LRRFIP2: variants seen among roughly 807,000 people sequenced by gnomAD.
LRRFIP2 encodes the protein LRR binding FLII interacting protein 2.
LRRFIP2 carries 109 observed loss-of-function variants against 125.9 expected under a neutral mutation model. The observed-to-expected ratio is 0.87, with a 90% CI of 0.74 to 1.01. LRRFIP2 has a LOEUF of 1.01. Among genes scored for constraint, LRRFIP2 ranks in the 50% least tolerant of loss-of-function variants. LRRFIP2 has a pLI of 0.00. For synonymous variants in LRRFIP2, 291 were observed against 293.1 expected, an observed-to-expected ratio of 0.99 and a Z score of 0.07; for missense variants, 850 against 862.3, an observed-to-expected ratio of 0.99 and a Z score of 0.18.
At chr3:37,154,013 C>CAAAAAAA (rs767900386) in intron 1 of LRRFIP2, among the ~76,000 whole-genome samples, 54,054 of 141,534 alleles carry the variant, frequency 0.38, 10,670 homozygotes, top group Non-Finnish European at 0.45. Context: ...TCTGTCTTTA[C>CAAAAAAA]AAAAAAAAAA....
intron 21 of LRRFIP2, 23 bp downstream of exon 21, chr3:37,072,767 C>G: frequency 6.8e-7 from 1 of 1,479,466 alleles, no homozygotes; most frequent in Non-Finnish European, 9.4e-7. Flanking sequence ...AGCTTCTAAC[C>G]AAAGCCCAAT....
At chr3:37,097,667 G>A (rs1024773029) in intron 15 of LRRFIP2, among the ~76,000 whole-genome samples, 2 of 152,090 alleles carry the variant, frequency 1.3e-5, no homozygotes, top group East Asian at 3.9e-4. Context: ...CCTATCTTCT[G>A]TAGATAGGCC....
At chr3:37,164,720 CAA>C (rs148231991) in intron 1 of LRRFIP2, among the ~76,000 whole-genome samples, 1,111 of 106,840 alleles carry the variant, frequency 0.01, 18 homozygotes, top group African/African-American at 0.035. Flanking sequence ...GACTCCGTCT[CAA>C]AAAAAAAAAA....
chr3:37,108,004 A>C, intron 13 of LRRFIP2, 69 bp downstream of exon 13: 3 of 1,286,994 alleles, frequency 2.3e-6, no homozygotes, highest in Non-Finnish European at 3.4e-6. Context: ...TCAATATTCT[A>C]AACAGTGAGT....
chr3:37,078,295 T>C lies in LRRFIP2; in HGVS notation c.1279-3179A>G, dbSNP rs538931462. ...TATTTCAAGTAACTTCTAAAAACAA[T>C]AGTTTGGCCACACACAGACTAGTGG... On this transcript the variant is annotated intron_variant, in intron 19 of 27. Transcript: ENST00000336686. Among the ~76,000 whole-genome samples the C allele has an allele frequency of 3.9e-5, 6 of 152,246 alleles. No homozygotes were observed. The East Asian group carries it at 1.2e-3, about 29-fold the overall frequency.
intron 4 of LRRFIP2, among the ~76,000 whole-genome samples, chr3:37,124,023 C>G (rs955138255): frequency 6.6e-6 from 1 of 152,080 alleles, no homozygotes; most frequent in African/African-American, 2.4e-5. Flanking sequence ...AAAATATAAA[C>G]CCCCATACAG....
In LRRFIP2 at chr3:37,061,600, C is replaced by T. The variant is rs183749247; in HGVS notation, c.1749+2142G>A. On this transcript the variant is annotated intron_variant, in intron 24 of 27. Transcript: ENST00000336686. ...TAGAGTTGGGGTTTCACCATGTTGG[C>T]CAGGCTGGTCTCAACTCCTGACCTC... Among the ~76,000 whole-genome samples the T allele has an allele frequency of 4.6e-4, 70 of 151,968 alleles. No individual in the cohort carries two copies. In the Middle Eastern group the frequency reaches 0.014, roughly 30 times the overall value.
Position 37,158,562 on chromosome 3 carries a change from G to C in LRRFIP2, c.-55-9524C>G, listed in dbSNP as rs372404393. On this transcript the variant is annotated intron_variant, in intron 1 of 27. Coordinates refer to ENST00000336686, the MANE Select transcript of LRRFIP2 (RefSeq NM_006309.4). ...GCAGAGGTTGCAGTGAGCCAAGGTCGCATCACTGCACTCCAGCCTGGGTAA... is the reference window on the plus strand; with the variant it reads ...GCAGAGGTTGCAGTGAGCCAAGGTCCCATCACTGCACTCCAGCCTGGGTAA... Among the ~76,000 whole-genome samples, 7 of 150,470 alleles carry C rather than the reference G, an allele frequency of 4.7e-5. No individual in the cohort carries two copies. The South Asian group carries it at 1.3e-3, about 27-fold the overall frequency.
chr3:37,136,525 T>C (rs1156234677), intron 2 of LRRFIP2, among the ~76,000 whole-genome samples: 6 of 152,106 alleles, frequency 3.9e-5, no homozygotes, highest in Non-Finnish European at 8.8e-5. Context: ...ATATATAAAA[T>C]TCTAATACAT....
rs2094139059 is a variant in LRRFIP2, at chr3:37,102,902, C to T, written c.873+22G>A. The stretch of plus-strand genomic sequence containing the variant: ...CACAAGCCTGGGACAACATAACCAA[C>T]CACCCCATGCAATACACTCACGCTG... On this transcript the variant is annotated intron_variant, in intron 15 of 27. Coordinates refer to ENST00000336686, the MANE Select transcript of LRRFIP2 (RefSeq NM_006309.4). The T allele has an allele frequency of 2.0e-6, 3 of 1,504,380 alleles. No homozygotes were observed. The East Asian group carries it at 7.4e-5, about 37-fold the overall frequency. The allele number at this position is 1,504,380 out of a possible 1,614,324, so 93.2% of individuals were successfully genotyped here. A position where few individuals can be genotyped will look rare whatever the true frequency, so the allele number is the denominator to read the frequency against.
chr3:37,165,861 A>G (rs368568168), intron 1 of LRRFIP2, among the ~76,000 whole-genome samples: 6 of 150,074 alleles, frequency 4.0e-5, no homozygotes, highest in African/African-American at 7.4e-5. Context: ...AAGAAAGAGA[A>G]AGAAAGAAAG....
In LRRFIP2 at chr3:37,085,949, A is replaced by G. The variant is rs2093016310; in HGVS notation, c.1108-2143T>C. Among the ~76,000 whole-genome samples, 4 of 152,348 alleles carry G rather than the reference A, an allele frequency of 2.6e-5. No individual in the cohort carries two copies. The South Asian group carries it at 8.3e-4, about 32-fold the overall frequency. ...GTAAAAAGACAACCCACAGAATGGG[A>G]GAAAATATTTATAAATCTTATATCT... On this transcript the variant is annotated intron_variant, in intron 18 of 27. Coordinates refer to ENST00000336686, the MANE Select transcript of LRRFIP2 (RefSeq NM_006309.4).
At chr3:37,122,844 G>A (rs1036425996) in intron 4 of LRRFIP2, among the ~76,000 whole-genome samples, 6 of 152,096 alleles carry the variant, frequency 3.9e-5, no homozygotes, top group Non-Finnish European at 8.8e-5. Flanking sequence ...GAGCATTAAG[G>A]CCTGAGTCAT....
At chr3:37,099,019 G>A (rs1258935763) in intron 15 of LRRFIP2, among the ~76,000 whole-genome samples, 1 of 152,112 alleles carries the variant, frequency 6.6e-6, no homozygotes, top group Non-Finnish European at 1.5e-5. Context: ...TATTTCAGAG[G>A]TTGCATCACT....
intron 15 of LRRFIP2, among the ~76,000 whole-genome samples, chr3:37,096,967 C>T (rs2093749428): frequency 6.6e-6 from 1 of 151,700 alleles, no homozygotes; most frequent in African/African-American, 2.4e-5. Context: ...TTTAGCACTG[C>T]AAATGTTAAT....
intron 16 of LRRFIP2, 142 bp downstream of exon 16, chr3:37,096,474 T>G (rs2093724033): frequency 1.7e-6 from 1 of 581,582 alleles, no homozygotes. Context: ...CGAAGGAATT[T>G]TGGAGGGTCA....
At chr3:37,083,859 T>C (rs1052548138) in intron 18 of LRRFIP2, 53 bp from the exon 19 acceptor site, 2 of 1,360,348 alleles carry the variant, frequency 1.5e-6, no homozygotes, top group Non-Finnish European at 2.0e-6. Context: ...ATTGAATACA[T>C]GCAATATAAC....
chr3:37,096,696 C>T (rs199800127), intron 15 of LRRFIP2, 36 bp from the exon 16 acceptor site: 22 of 1,340,690 alleles, frequency 1.6e-5, no homozygotes, highest in Non-Finnish European at 1.9e-5. Flanking sequence ...AGTAAAGATG[C>T]TTAGCAAGTT....
chr3:37,123,493 A>C (rs569667309), intron 4 of LRRFIP2, among the ~76,000 whole-genome samples: 8 of 152,224 alleles, frequency 5.3e-5, no homozygotes, highest in African/African-American at 1.9e-4. Context: ...CTGGCCACTG[A>C]TTTACATTTT....
Sources: allele counts gnomAD v4.1 joint callset (sites outside exome capture counted in the v4.1 genomes callset), GRCh38; gene constraint gnomAD v4.1.1; transcripts MANE v1.5; gene names NCBI Gene and HGNC (gene_info 2026-07-23, HGNC 2026-07-21).